The following RTCB variants were observed in gnomAD, a reference collection of about 807,000 sequenced individuals.
RTCB encodes the protein RNA 2',3'-cyclic phosphate and 5'-OH ligase.
Under a neutral mutation model 58.2 loss-of-function variants are expected in RTCB, and 32 were observed. The observed-to-expected ratio is 0.55, with a 90% confidence interval of 0.41 to 0.74. RTCB has a LOEUF of 0.74. RTCB is among the 30% of genes least tolerant of loss of function. RTCB has a pLI of 0.00. For missense variants in RTCB, 523 were observed against 639.0 expected, an observed-to-expected ratio of 0.82 and a Z score of 1.96; for synonymous variants, 247 against 218.6, an observed-to-expected ratio of 1.13 and a Z score of -1.15.
chr22:32,396,835 C>T (rs149031984), intron 7 of RTCB, among the ~76,000 whole-genome samples: 4 of 152,200 alleles, frequency 2.6e-5, no homozygotes, highest in East Asian at 3.9e-4. Context: ...TGTTGGAGGC[C>T]GAAAGAATGA....
chr22:32,397,100 CA>C (rs1283294028), intron 7 of RTCB, among the ~76,000 whole-genome samples: 2 of 150,346 alleles, frequency 1.3e-5, no homozygotes, highest in African/African-American at 5.0e-5. Context: ...CCAATAAATA[CA>C]AAGGGCTGTG....
chr22:32,393,378 G>A (rs928642988), intron 10 of RTCB, among the ~76,000 whole-genome samples: 1 of 152,158 alleles, frequency 6.6e-6, no homozygotes, highest in Non-Finnish European at 1.5e-5. Context: ...GGCCCTTTAT[G>A]GGAAGAGTTT....
chr22:32,392,484 G>A (rs1933170564), intron 10 of RTCB, 125 bp from the exon 11 acceptor site: 3 of 1,254,284 alleles, frequency 2.4e-6, no homozygotes, highest in Non-Finnish European at 3.4e-6. Flanking sequence ...TTGGTAACAG[G>A]CCTTTTAAAC....
At chr22:32,399,284 G>A (rs1933294741) in intron 6 of RTCB, among the ~76,000 whole-genome samples, 1 of 151,732 alleles carries the variant, frequency 6.6e-6, no homozygotes, top group South Asian at 2.1e-4. Context: ...TTACTTGCAT[G>A]TGCCACCATG....
intron 9 of RTCB, among the ~76,000 whole-genome samples, chr22:32,394,212 C>A (rs560962908): frequency 4.0e-5 from 6 of 151,522 alleles, no homozygotes; most frequent in African/African-American, 9.7e-5. Flanking sequence ...CCTGGGTTCA[C>A]GCCATTCTCT....
At chr22:32,397,870 G>T in intron 7 of RTCB, 71 bp downstream of exon 7, 1 of 1,454,432 alleles carries the variant, frequency 6.9e-7, no homozygotes, top group Non-Finnish European at 9.4e-7. Flanking sequence ...GTATATTTCA[G>T]AGTTTTCGCT....
chr22:32,392,164 T>A, intron 11 of RTCB, 76 bp downstream of exon 11: 1 of 1,456,772 alleles, frequency 6.9e-7, no homozygotes, highest in African/African-American at 1.4e-5. Context: ...CACCCTAAAT[T>A]GCTGTCTCTG....
chr22:32,395,503 C>T (rs2145891180), intron 8 of RTCB, among the ~76,000 whole-genome samples: 1 of 152,258 alleles, frequency 6.6e-6, no homozygotes, highest in South Asian at 2.1e-4. Flanking sequence ...TAGTCAGTGG[C>T]ACTTTTATTC....
chr22:32,399,867 T>G, intron 5 of RTCB, 108 bp from the exon 6 acceptor site: 1 of 1,054,606 alleles, frequency 9.5e-7, no homozygotes, highest in Non-Finnish European at 1.4e-6. Context: ...TACTATCTCC[T>G]GTGTTCCAAG....
chr22:32,401,236 C>T (rs1453520831), intron 5 of RTCB, among the ~76,000 whole-genome samples: 1 of 151,746 alleles, frequency 6.6e-6, no homozygotes, highest in Non-Finnish European at 1.5e-5. Context: ...GGTGGGACTA[C>T]AGTCACAAGC....
intron 1 of RTCB, 37 bp from the exon 2 acceptor site, chr22:32,408,870 C>T (rs1175236879): frequency 6.9e-7 from 1 of 1,452,338 alleles, no homozygotes; most frequent in Non-Finnish European, 9.7e-7. Flanking sequence ...TGTCTGAGTA[C>T]ATGCGCGGCA....
At chr22:32,395,948 C>A (rs548391527) in intron 8 of RTCB, 126 bp downstream of exon 8, 5 of 896,878 alleles carry the variant, frequency 5.6e-6, no homozygotes, top group South Asian at 4.9e-5. Flanking sequence ...ATCCGCCCCC[C>A]CTCGGCCTCC....
chr22:32,405,958 G>C (rs1933411665), intron 4 of RTCB, among the ~76,000 whole-genome samples: 1 of 152,128 alleles, frequency 6.6e-6, no homozygotes, highest in African/African-American at 2.4e-5. Flanking sequence ...TAGTATTACT[G>C]AATATGTTCT....
chr22:32,408,267 A>G (rs951294101), intron 2 of RTCB, 25 bp from the exon 3 acceptor site: 4 of 1,582,838 alleles, frequency 2.5e-6, no homozygotes, highest in Non-Finnish European at 3.5e-6. Flanking sequence ...TGGGTATTAG[A>G]AAAGACAACA....
In RTCB at chr22:32,395,991, T is replaced by C. The variant is rs73881683; in HGVS notation, c.990+83A>G. On this transcript the variant is annotated intron_variant, in intron 8 of 11. Transcript: ENST00000216038. ...TTGGGATTACAGGCATGAGCCACCG[T>C]GTCCAGCCTGGACTGCACTATGTTT... 10,615 of 1,397,160 alleles carry C rather than the reference T, an allele frequency of 7.6e-3. 533 individuals are homozygous for C. The African/African-American group carries it at 0.12, about 16-fold the overall frequency. 86.5% of individuals were successfully genotyped at this position (1,397,160 alleles called of 1,614,324 possible).
chr22:32,410,311 G>A (rs1477902963), intron 1 of RTCB, among the ~76,000 whole-genome samples: 1 of 152,096 alleles, frequency 6.6e-6, no homozygotes, highest in African/African-American at 2.4e-5. Context: ...AGAACATCTA[G>A]GAACTAAACG....
In RTCB at chr22:32,398,461, G is replaced by C. The variant is rs1884520467; in HGVS notation, c.655-361C>G. On this transcript the variant is annotated intron_variant, in intron 6 of 11. Coordinates refer to ENST00000216038, the MANE Select transcript of RTCB (RefSeq NM_014306.5). ...ACATACCAGAGCCTGTCGAGGAGTG[G>C]GAGGAAAGGGGAGGGAGAGCATTAG... is the stretch of plus-strand genomic sequence containing the variant. 2.6e-5 allele frequency among the ~76,000 whole-genome samples: 4 copies of C among 152,088 alleles called. No homozygotes were observed. The South Asian group carries it at 8.3e-4, about 32-fold the overall frequency.
chr22:32,393,933 G>A lies in RTCB; in HGVS notation c.1249C>T (p.Gln417Ter). 3.7e-6 allele frequency: 6 copies of A among 1,614,110 alleles called. No homozygotes were observed. Among genetic ancestry groups the A allele is most frequent in the Non-Finnish European group, 5.1e-6 (6 of 1,179,958 alleles). The change falls in exon 10 of 12, where the codon CAG becomes TAG. Residue 417 changes from glutamine to a stop codon, truncating the protein, a stop_gained. Transcript: ENST00000216038. LOFTEE classifies it high-confidence loss of function. ...TCSYVLTGTE[Q>*]GMTETFGTTC... ...GTTCCAAAGGTCTCAGTCATGCCCTGTTCAGTGCCAGTAAGAACATAACTA... is the reference window on the plus strand; with the variant it reads ...GTTCCAAAGGTCTCAGTCATGCCCTATTCAGTGCCAGTAAGAACATAACTA...
chr22:32,394,663 T>TG (rs886528823), intron 9 of RTCB, among the ~76,000 whole-genome samples: 40 of 152,122 alleles, frequency 2.6e-4, no homozygotes, highest in Non-Finnish European at 5.4e-4. Context: ...AAGCAGACTA[T>TG]GGGGTCTTTC....
Sources: gnomAD v4.1 joint callset for allele counts (sites outside exome capture counted in the v4.1 genomes callset) on GRCh38, gnomAD v4.1.1 for gene constraint, MANE v1.5 for transcripts, NCBI Gene and HGNC (gene_info 2026-07-23, HGNC 2026-07-21) for gene names.